Variants in MYO18B observed in about 807,000 individuals in gnomAD.
MYO18B encodes the protein myosin XVIIIB.
A neutral mutation model predicts 273.0 loss-of-function variants in MYO18B; 204 were observed. That is an observed-to-expected ratio of 0.75 (90% CI 0.67 to 0.84). The LOEUF is 0.84. Ranked by LOEUF, MYO18B falls within the 40% of genes least tolerant of loss-of-function variation. The probability of loss-of-function intolerance (pLI) is 0.00; values close to 1 mark genes in which losing one functional copy is unlikely to be tolerated. For synonymous variants in MYO18B, 1,330 were observed against 1,305.7 expected (o/e 1.02, Z -0.40); for missense variants, 3,212 against 3,287.6 (o/e 0.98, Z 0.56).
At chr22:25,936,177 G>A (rs1488385491) in intron 34 of MYO18B, among the ~76,000 whole-genome samples, 1 of 152,176 alleles carries the variant, frequency 6.6e-6, no homozygotes, top group East Asian at 1.9e-4. Flanking sequence ...CGGGGATCGG[G>A]GAGGGCCTTT....
At chr22:25,933,275 T>C (rs1435469965) in intron 34 of MYO18B, among the ~76,000 whole-genome samples, 1 of 152,194 alleles carries the variant, frequency 6.6e-6, no homozygotes, top group Admixed American at 6.5e-5. Flanking sequence ...AGGGATGAGC[T>C]TGTCATCCTA....
At chr22:26,021,113 C>G (rs578112833) in intron 42 of MYO18B, among the ~76,000 whole-genome samples, 1 of 152,078 alleles carries the variant, frequency 6.6e-6, no homozygotes, top group Admixed American at 6.5e-5. Context: ...AGAAAAAATA[C>G]CTGGCTTGGA....
intron 39 of MYO18B, among the ~76,000 whole-genome samples, chr22:25,986,875 T>C (rs1164930672): frequency 6.6e-6 from 1 of 152,232 alleles, no homozygotes; most frequent in Non-Finnish European, 1.5e-5. Flanking sequence ...GCATGTATTG[T>C]ACACACACGT....
At chr22:25,907,749 A>G (rs2092073625) in intron 31 of MYO18B, among the ~76,000 whole-genome samples, 1 of 152,170 alleles carries the variant, frequency 6.6e-6, no homozygotes, top group South Asian at 2.1e-4. Flanking sequence ...AGTGTTGAGA[A>G]GGGGGCCGGG....
At position 25,768,920 on chromosome 22, in the gene MYO18B, A is replaced by C; in HGVS notation, c.1004A>C (p.Lys335Thr). Reference sequence around the variant, plus strand: ...AAGTGGGACGGTCCCCAGAATAAGAAGGACAAAGAAGGGGTGCTCTTAAGT... The same window carrying C: ...AAGTGGGACGGTCCCCAGAATAAGACGGACAAAGAAGGGGTGCTCTTAAGT... Reference protein sequence around the residue: ...RSKWDGPQNKKDKEGVLLSKA... With the variant: ...RSKWDGPQNKTDKEGVLLSKA... The change falls in exon 4 of 44, where the codon AAG (lysine) becomes ACG (threonine). Residue 335 changes from lysine (K) to threonine (T), a missense_variant. Transcript: ENST00000335473. The C allele has an allele frequency of 5.6e-6, 9 of 1,612,454 alleles. No individual in the cohort carries two copies. The highest frequency in any genetic ancestry group is 7.6e-6 in the Non-Finnish European group (9 of 1,179,244).
intron 32 of MYO18B, among the ~76,000 whole-genome samples, chr22:25,909,421 C>A (rs1016562164): frequency 6.6e-6 from 1 of 152,190 alleles, no homozygotes; most frequent in South Asian, 2.1e-4. Context: ...ATAAAGAGAG[C>A]GCCTTGTATT....
At chr22:26,046,061 C>T in the MYO18B span, among the ~76,000 whole-genome samples, 1 of 152,200 alleles carries the variant, frequency 6.6e-6, no homozygotes, top group Admixed American at 6.5e-5. Context: ...CTCTGCTAGG[C>T]AACCCATTTC....
At chr22:25,959,925 G>A (rs902438068) in intron 39 of MYO18B, among the ~76,000 whole-genome samples, 4 of 152,136 alleles carry the variant, frequency 2.6e-5, no homozygotes, top group South Asian at 2.1e-4. Flanking sequence ...AAAAGGATCC[G>A]GTGCTCTGGG....
At position 25,772,556 on chromosome 22, in the gene MYO18B, G is replaced by A. The variant is rs1184241354; in HGVS notation, c.1869+46G>A. The A allele has an allele frequency of 2.6e-6, 4 of 1,556,622 alleles. No homozygotes were observed. The Admixed American group carries it at 5.7e-5, about 22-fold the overall frequency. On this transcript the variant is annotated intron_variant, in intron 7 of 43. Coordinates refer to ENST00000335473, the MANE Select transcript of MYO18B (RefSeq NM_032608.7). ...GCAGGGCTGAGGGGCTGAGGGCAGG[G>A]GGGCCTGGGGGGATCCCTCTGCATC...
At chr22:25,790,259 T>A (rs960299017) in intron 11 of MYO18B, among the ~76,000 whole-genome samples, 18 of 152,240 alleles carry the variant, frequency 1.2e-4, no homozygotes, top group African/African-American at 4.1e-4. Context: ...TTTACATGGT[T>A]TTATTTATTT....
chr22:25,908,605 C>T (rs929330574), intron 32 of MYO18B, among the ~76,000 whole-genome samples, 173 bp downstream of exon 32: 3 of 152,168 alleles, frequency 2.0e-5, no homozygotes, highest in Non-Finnish European at 4.4e-5. Context: ...AGCGGAAATG[C>T]CCATCTTAAA....
chr22:25,780,138 C>G lies in MYO18B; in HGVS notation c.2151C>G (p.Phe717Leu). The G allele has an allele frequency of 6.2e-7, 1 of 1,606,532 alleles. No homozygotes were observed. ...CCCACAGCCGCAGTGCCACCCGGTT[C>G]TCCATGGTGATGTCGCTGGACTTCA... ...SMAHSRSATR[F>L]SMVMSLDFNA... is the part of the protein sequence containing the mutation. The change falls in exon 9 of 44, where the codon TTC becomes TTG. Residue 717 changes from phenylalanine to leucine, a missense_variant. Phe to Leu is a conservative substitution (Grantham distance 22). Transcript: ENST00000335473.
At chr22:25,849,099 C>T (rs2090344514) in intron 20 of MYO18B, among the ~76,000 whole-genome samples, 1 of 152,248 alleles carries the variant, frequency 6.6e-6, no homozygotes, top group Non-Finnish European at 1.5e-5. Context: ...GTGGCTGGTC[C>T]CCCACACTTA....
chr22:25,948,448 TTCCTTCC>T lies in MYO18B; in HGVS notation c.5748+622_5748+628del, dbSNP rs1569225153. Among the ~76,000 whole-genome samples the T allele has an allele frequency of 1.1e-4, 14 of 131,174 alleles. 1 individual carries two copies. The highest frequency in any genetic ancestry group is 4.0e-4 in the African/African-American group (12 of 29,860). The allele number at this position is 131,174 out of a possible 152,430, so 86.1% of individuals were successfully genotyped here. A position where few individuals can be genotyped will look rare whatever the true frequency, so the allele number is the denominator to read the frequency against. On this transcript the variant is annotated intron_variant, in intron 36 of 43. Coordinates refer to ENST00000335473, the MANE Select transcript of MYO18B (RefSeq NM_032608.7). ...CTTCCTTCCTTCCTTCCTTCCTTCC[TTCCTTCC>T]TTCCTTCTTTCTTTCTTTCTTTCTT...
At position 25,985,470 on chromosome 22, in the gene MYO18B, C is replaced by T. The variant is rs76710082; in HGVS notation, c.6157-6893C>T. Among the ~76,000 whole-genome samples the T allele has an allele frequency of 3.7e-3, 564 of 152,224 alleles. 12 individuals are homozygous for T. The highest frequency in any genetic ancestry group is 0.013 in the African/African-American group (530 of 41,528). Reference sequence around the variant, plus strand: ...GAATGATGACCAACTTCTTCCCAGTCGTTATTCCTGCTGGAGACTGGGCAT... The same window carrying T: ...GAATGATGACCAACTTCTTCCCAGTTGTTATTCCTGCTGGAGACTGGGCAT... On this transcript the variant is annotated intron_variant, in intron 39 of 43. Transcript: ENST00000335473.
At position 25,932,635 on chromosome 22, in the gene MYO18B, C is replaced by G. The variant is rs537428727; in HGVS notation, c.5517+11226C>G. Among the ~76,000 whole-genome samples, 6 of 152,178 alleles carry G rather than the reference C, an allele frequency of 3.9e-5. No homozygotes were observed. The South Asian group carries it at 1.2e-3, about 32-fold the overall frequency. On this transcript the variant is annotated intron_variant, in intron 34 of 43. Coordinates refer to ENST00000335473, the MANE Select transcript of MYO18B (RefSeq NM_032608.7). ...ACGTTGGTCAGGCTGGTCTCAAACT[C>G]CCGACCTCAGGTGATCTGTCCACCT...
intron 12 of MYO18B, among the ~76,000 whole-genome samples, chr22:25,805,984 A>G (rs1399188670): frequency 2.0e-5 from 3 of 151,998 alleles, no homozygotes; most frequent in African/African-American, 4.8e-5. Flanking sequence ...GGGACGATTG[A>G]TTATTGGATT....
At chr22:26,039,509 T>G in the MYO18B span, among the ~76,000 whole-genome samples, 1 of 152,130 alleles carries the variant, frequency 6.6e-6, no homozygotes, top group East Asian at 1.9e-4. Context: ...TCAATTGCCC[T>G]CCTCCCTCCA....
chr22:25,955,000 C>T (rs1006316774), intron 38 of MYO18B, among the ~76,000 whole-genome samples, 179 bp from the exon 39 acceptor site: 10 of 152,164 alleles, frequency 6.6e-5, no homozygotes, highest in African/African-American at 2.2e-4. Flanking sequence ...TTGAGCACTG[C>T]GCCCGACCAT....
Sources: allele counts gnomAD v4.1 joint callset (sites outside exome capture counted in the v4.1 genomes callset), GRCh38; gene constraint gnomAD v4.1.1; transcripts MANE v1.5; gene names NCBI Gene and HGNC (gene_info 2026-07-23, HGNC 2026-07-21).